Variants in SYCP1 observed in about 807,000 individuals in gnomAD.
SYCP1 encodes the protein cancer/testis antigen 8.
Under a neutral mutation model 153.1 loss-of-function variants are expected in SYCP1, and 64 were observed. The observed-to-expected ratio is 0.42, with a 90% CI of 0.34 to 0.51. The LOEUF (loss-of-function observed/expected upper bound fraction) is 0.51. SYCP1 is among the 20% of genes least tolerant of loss of function. The pLI is 0.06. For missense variants in SYCP1, 997 were observed against 1,049.0 expected (o/e 0.95, Z 0.68); for synonymous variants, 384 against 341.8 (o/e 1.12, Z -1.36).
chr1:114,913,242 T>C, intron 19 of SYCP1, 92 bp downstream of exon 19: 1 of 1,014,822 alleles, frequency 9.9e-7, no homozygotes, highest in Non-Finnish European at 1.5e-6. Context: ...ACCTTTAAAG[T>C]CTGATTGCTT....
intron 17 of SYCP1, among the ~76,000 whole-genome samples, chr1:114,911,133 G>GT (rs1241694783): frequency 2.0e-5 from 3 of 151,686 alleles, no homozygotes; most frequent in Admixed American, 1.3e-4. Context: ...GAACATTTTA[G>GT]TTTTTTAAGA....
chr1:114,980,760 T>C (rs778099305), intron 28 of SYCP1, among the ~76,000 whole-genome samples: 6 of 151,946 alleles, frequency 3.9e-5, no homozygotes, highest in Non-Finnish European at 8.8e-5. Flanking sequence ...TGAGATATCT[T>C]ATTTGTTTTC....
chr1:114,933,747 T>C (rs1373900395), intron 23 of SYCP1, among the ~76,000 whole-genome samples: 1 of 152,110 alleles, frequency 6.6e-6, no homozygotes, highest in African/African-American at 2.4e-5. Flanking sequence ...ATGAGAACTA[T>C]GTGATGCATG....
At chr1:114,915,234 AG>A (rs1668445641) in intron 20 of SYCP1, among the ~76,000 whole-genome samples, 1 of 152,170 alleles carries the variant, frequency 6.6e-6, no homozygotes, top group South Asian at 2.1e-4. Context: ...TGGAAATAAA[AG>A]GTTGTTTTTT....
chr1:114,873,819 C>T (rs1275797079), intron 8 of SYCP1, among the ~76,000 whole-genome samples: 2 of 152,070 alleles, frequency 1.3e-5, no homozygotes, highest in African/African-American at 4.8e-5. Flanking sequence ...GCGACCTCTG[C>T]CTTCTGGGTT....
intron 27 of SYCP1, among the ~76,000 whole-genome samples, chr1:114,949,670 A>G (rs1670964800): frequency 6.6e-6 from 1 of 152,128 alleles, no homozygotes; most frequent in Admixed American, 6.6e-5. Flanking sequence ...TCTCATTTCT[A>G]TCATCTTATA....
At chr1:114,927,111 TATTA>T (rs1408561953) in intron 23 of SYCP1, among the ~76,000 whole-genome samples, 5 of 152,204 alleles carry the variant, frequency 3.3e-5, no homozygotes, top group African/African-American at 4.8e-5. Context: ...TTTCTCATTG[TATTA>T]ATTATGTGCT....
chr1:114,873,682 A>G (rs1473139681), intron 8 of SYCP1, among the ~76,000 whole-genome samples: 11 of 152,146 alleles, frequency 7.2e-5, no homozygotes, highest in Non-Finnish European at 1.5e-4. Context: ...TCATTGTGAG[A>G]AACCTGGTAG....
rs1269540935 is a variant in SYCP1 at position 114,981,435 on chromosome 1, G to A, written c.2482G>A (p.Asp828Asn). 6.2e-7 allele frequency: 1 copy of A among 1,610,210 alleles called. No homozygotes were observed. Among genetic ancestry groups the A allele is most frequent in the Non-Finnish European group, 8.5e-7 (1 of 1,178,536 alleles). ...QTVSRNFTSV[D>N]HGISKDKRDY... ...TGTATCTCGAAATTTCACATCAGTT[G>A]ATCATGGCATATCCAAAGATAAAAG... The change falls in exon 29 of 32, where the codon GAT (aspartate) becomes AAT (asparagine). Residue 828 changes from aspartate to asparagine, a missense_variant. Asp to Asn is a conservative substitution (Grantham distance 23). Transcript: ENST00000369522.
At chr1:114,968,044 G>A (rs956493065) in intron 27 of SYCP1, among the ~76,000 whole-genome samples, 5 of 152,146 alleles carry the variant, frequency 3.3e-5, no homozygotes, top group African/African-American at 1.2e-4. Context: ...TGCAGAGAGA[G>A]CCACTGTTAA....
intron 2 of SYCP1, 30 bp from the exon 3 acceptor site, chr1:114,856,541 CAG>C: frequency 6.7e-7 from 1 of 1,500,850 alleles, no homozygotes; most frequent in Admixed American, 1.8e-5. Context: ...TGGTATGAAA[CAG>C]AATATTTAAG....
At chr1:114,875,619 T>G (rs1665473487) in intron 9 of SYCP1, among the ~76,000 whole-genome samples, 1 of 152,132 alleles carries the variant, frequency 6.6e-6, no homozygotes, top group Admixed American at 6.5e-5. Flanking sequence ...AGGCACTCAG[T>G]AATTAATTAA....
chr1:114,994,676 TA>T, intron 30 of SYCP1, 21 bp from the exon 31 acceptor site: 1 of 1,524,898 alleles, frequency 6.6e-7, no homozygotes, highest in African/African-American at 1.4e-5. Context: ...CCCAACATCA[TA>T]TTTTTTTATT....
chr1:114,933,349 A>G (rs775626998), intron 23 of SYCP1, among the ~76,000 whole-genome samples: 3 of 152,182 alleles, frequency 2.0e-5, no homozygotes, highest in Non-Finnish European at 4.4e-5. Context: ...CTGTTAGAAG[A>G]AAAGCTAACA....
At chr1:114,866,802 T>C (rs1217562646) in intron 8 of SYCP1, among the ~76,000 whole-genome samples, 1 of 151,934 alleles carries the variant, frequency 6.6e-6, no homozygotes, top group Non-Finnish European at 1.5e-5. Context: ...CCAGGTTTTC[T>C]CCTATTTATC....
At position 114,885,663 on chromosome 1, in the gene SYCP1, T is replaced by C. The variant is rs149608566; in HGVS notation, c.1005+34T>C. ...TAAAAACTCATTAGTGTGTAATAAG[T>C]CTCACCCTATCAATCAGTCAACAAA... On this transcript the variant is annotated intron_variant, in intron 13 of 31. Coordinates refer to ENST00000369522, the MANE Select transcript of SYCP1 (RefSeq NM_003176.4). 7,760 of 1,209,218 alleles carry C rather than the reference T, an allele frequency of 6.4e-3. 31 individuals carry two copies. The highest frequency in any genetic ancestry group is 0.016 in the Middle Eastern group (82 of 5,094). The allele number at this position is 1,209,218 out of a possible 1,614,324, so 74.9% of individuals were successfully genotyped here.
intron 16 of SYCP1, among the ~76,000 whole-genome samples, chr1:114,902,820 A>T (rs1000141614): frequency 6.6e-6 from 1 of 152,128 alleles, no homozygotes; most frequent in African/African-American, 2.4e-5. Flanking sequence ...AAATAATTGT[A>T]CATATTTCAT....
At chr1:114,858,805 C>T in intron 6 of SYCP1, 94 bp downstream of exon 6, 1 of 1,109,318 alleles carries the variant, frequency 9.0e-7, no homozygotes, top group Non-Finnish European at 1.3e-6. Flanking sequence ...TTGGATTGAT[C>T]TTGTTTTTGT....
At chr1:114,938,703 T>G (rs1009500851) in intron 23 of SYCP1, among the ~76,000 whole-genome samples, 3 of 152,152 alleles carry the variant, frequency 2.0e-5, no homozygotes, top group African/African-American at 7.2e-5. Context: ...CTTTGTAGGA[T>G]TCATCCATAA....
Sources: gnomAD v4.1 joint callset for allele counts (sites outside exome capture counted in the v4.1 genomes callset) on GRCh38, gnomAD v4.1.1 for gene constraint, MANE v1.5 for transcripts, NCBI Gene and HGNC (gene_info 2026-07-23, HGNC 2026-07-21) for gene names.